FAT3: variants seen among roughly 807,000 people sequenced by gnomAD.
FAT3 encodes the protein protocadherin Fat 3.
FAT3 carries 95 observed loss-of-function variants against 310.2 expected under a neutral mutation model. The observed-to-expected ratio is 0.31, with a 90% CI of 0.26 to 0.36. The LOEUF (loss-of-function observed/expected upper bound fraction) is 0.36. FAT3 is among the 10% of genes least tolerant of loss of function. FAT3 has a pLI of 1.00. For synonymous variants in FAT3, 2,314 were observed against 2,192.9 expected (o/e 1.06, Z -1.54); for missense variants, 5,408 against 5,715.6 (o/e 0.95, Z 1.74).
At chr11:92,590,279 G>A (rs1415546236) in intron 3 of FAT3, among the ~76,000 whole-genome samples, 5 of 152,120 alleles carry the variant, frequency 3.3e-5, no homozygotes, top group Non-Finnish European at 7.4e-5. Context: ...CTTGAGAGAA[G>A]GAAGATTTGA....
intron 2 of FAT3, among the ~76,000 whole-genome samples, chr11:92,481,917 A>G (rs960061139): frequency 2.0e-5 from 3 of 152,224 alleles, no homozygotes; most frequent in African/African-American, 7.2e-5. Context: ...GAAAGCACAC[A>G]TAAAGTATAA....
intron 2 of FAT3, among the ~76,000 whole-genome samples, chr11:92,426,725 G>C (rs182292290): frequency 6.6e-6 from 1 of 151,862 alleles, no homozygotes; most frequent in Non-Finnish European, 1.5e-5. Context: ...GTTCTGTTCC[G>C]TTGGTCTATA....
chr11:92,712,970 A>G (rs1944570058), intron 4 of FAT3, among the ~76,000 whole-genome samples: 1 of 152,268 alleles, frequency 6.6e-6, no homozygotes. Flanking sequence ...TCCAAAGCCC[A>G]GCCCCAGCTT....
At chr11:92,728,614 C>G (rs909912755) in intron 4 of FAT3, among the ~76,000 whole-genome samples, 15 of 152,184 alleles carry the variant, frequency 9.9e-5, no homozygotes, top group Admixed American at 9.8e-4. Context: ...AGAATTTATT[C>G]TCTCAGAGTT....
At chr11:92,718,165 G>A (rs1944744752) in intron 4 of FAT3, among the ~76,000 whole-genome samples, 1 of 151,994 alleles carries the variant, frequency 6.6e-6, no homozygotes, top group South Asian at 2.1e-4. Flanking sequence ...TTCATGATGT[G>A]GTCACTCCCT....
intron 2 of FAT3, among the ~76,000 whole-genome samples, chr11:92,372,142 A>C (rs190349677): frequency 4.6e-5 from 7 of 152,300 alleles, no homozygotes; most frequent in African/African-American, 1.7e-4. Flanking sequence ...TTATTGGTCA[A>C]ATCTGCCACA....
Position 92,648,855 on chromosome 11 carries a change from G to A in FAT3, c.3608-48529G>A, listed in dbSNP as rs770726509. ...TAAGGCCTGTGAAGACACTGCAGTC[G>A]GAAGCTGTCCAGAAACGAGTATGGA... On this transcript the variant is annotated intron_variant, in intron 3 of 27. Transcript: ENST00000525166. Among the ~76,000 whole-genome samples the A allele has an allele frequency of 3.4e-4, 52 of 152,136 alleles. 1 individual carries two copies. Among genetic ancestry groups the A allele is most frequent in the Non-Finnish European group, 6.8e-4 (46 of 68,028 alleles).
chr11:92,536,950 A>G (rs1369038160), intron 3 of FAT3, among the ~76,000 whole-genome samples: 2 of 152,158 alleles, frequency 1.3e-5, no homozygotes, highest in East Asian at 3.9e-4. Context: ...CCCTATCACT[A>G]TTATTAACAG....
At chr11:92,598,425 A>G (rs957564136) in intron 3 of FAT3, among the ~76,000 whole-genome samples, 1 of 151,734 alleles carries the variant, frequency 6.6e-6, no homozygotes, top group African/African-American at 2.4e-5. Context: ...AGGTCTCACT[A>G]TGTTGCCCGG....
chr11:92,890,204 C>T (rs918182243), intron 27 of FAT3, among the ~76,000 whole-genome samples: 1 of 152,182 alleles, frequency 6.6e-6, no homozygotes, highest in African/African-American at 2.4e-5. Context: ...GGAGTGGGGA[C>T]AGTACTCAGG....
chr11:92,478,045 A>G (rs777422645), intron 2 of FAT3, among the ~76,000 whole-genome samples: 17 of 152,236 alleles, frequency 1.1e-4, no homozygotes, highest in Non-Finnish European at 1.3e-4. Context: ...CCTTGGGGAA[A>G]AGATTCCAGC....
At position 92,588,852 on chromosome 11, in the gene FAT3, C is replaced by T. The variant is rs554436337; in HGVS notation, c.3607+63904C>T. On this transcript the variant is annotated intron_variant, in intron 3 of 27. Transcript: ENST00000525166. ...GAATTGCAGCCAAGCCTCCCTCCAA[C>T]AGTTTGGGGGAAGATTTCTCTTAGG... 8.6e-5 allele frequency among the ~76,000 whole-genome samples: 13 copies of T among 151,724 alleles called. No homozygotes were observed. In the South Asian group the frequency reaches 2.7e-3, roughly 31 times the overall value.
Position 92,310,860 on chromosome 11 carries a change from T to C in FAT3, c.-17-41236T>C, listed in dbSNP as rs183390145. ...GTAATAGCTATTGGAAATCATCTGA[T>C]GCCACCAAGCAACTGTCTTGCAAGA... On this transcript the variant is annotated intron_variant, in intron 1 of 27. Coordinates refer to ENST00000525166, the MANE Select transcript of FAT3 (RefSeq NM_001367949.2). Among the ~76,000 whole-genome samples, 232 of 152,188 alleles carry C rather than the reference T, an allele frequency of 1.5e-3. 1 individual carries two copies. The highest frequency in any genetic ancestry group is 5.1e-3 in the African/African-American group (212 of 41,548).
chr11:92,305,634 A>T (rs1053506990), intron 1 of FAT3, among the ~76,000 whole-genome samples: 2 of 152,178 alleles, frequency 1.3e-5, no homozygotes, highest in Non-Finnish European at 2.9e-5. Flanking sequence ...TCTTGATATG[A>T]TACAGGTGAA....
intron 3 of FAT3, among the ~76,000 whole-genome samples, chr11:92,627,460 G>A (rs558072880): frequency 1.1e-4 from 16 of 152,254 alleles, no homozygotes; most frequent in Non-Finnish European, 1.9e-4. Flanking sequence ...TGTTTCCTGG[G>A]ATTTAAACTT....
chr11:92,829,055 C>T (rs143547204), intron 13 of FAT3, among the ~76,000 whole-genome samples: 2 of 152,312 alleles, frequency 1.3e-5, no homozygotes, highest in African/African-American at 4.8e-5. Flanking sequence ...AACAGTGTGT[C>T]AGAAATTACC....
intron 17 of FAT3, among the ~76,000 whole-genome samples, chr11:92,838,419 T>C (rs755391482): frequency 1.3e-5 from 2 of 152,218 alleles, no homozygotes; most frequent in Non-Finnish European, 1.5e-5. Context: ...GCTGGTATTC[T>C]GCTATAAGAG....
intron 3 of FAT3, among the ~76,000 whole-genome samples, chr11:92,681,357 AAAAG>A (rs1406514399): frequency 6.6e-5 from 10 of 152,336 alleles, no homozygotes; most frequent in Admixed American, 3.3e-4. Flanking sequence ...ATCTGTTTGA[AAAAG>A]AAAGAATTAG....
chr11:92,349,995 G>C (rs914823281), intron 1 of FAT3, among the ~76,000 whole-genome samples: 1 of 145,554 alleles, frequency 6.9e-6, no homozygotes, highest in South Asian at 2.2e-4. Context: ...AAAAAAAAAA[G>C]AAAAGCCTTG....
Sources: gnomAD v4.1 joint callset for allele counts (sites outside exome capture counted in the v4.1 genomes callset) on GRCh38, gnomAD v4.1.1 for gene constraint, MANE v1.5 for transcripts, NCBI Gene and HGNC (gene_info 2026-07-23, HGNC 2026-07-21) for gene names.